The following PTPRR variants were observed in gnomAD, a reference collection of about 807,000 sequenced individuals.
The protein encoded by PTPRR is protein tyrosine phosphatase receptor type R.
In PTPRR, 38 loss-of-function variants were observed where a neutral mutation model predicts 77.2. That is an observed-to-expected ratio of 0.49 (90% CI 0.38 to 0.65). The LOEUF is 0.65. Ranked by LOEUF, PTPRR falls within the 30% of genes least tolerant of loss-of-function variation. The pLI, the probability that PTPRR is intolerant of heterozygous loss-of-function variation, is 0.00. For missense variants in PTPRR, 744 were observed against 799.2 expected (o/e 0.93, Z 0.83); for synonymous variants, 299 against 283.1 (o/e 1.06, Z -0.57).
chr12:70,913,058 GCCATAAAAT>G (rs2137138365), intron 1 of PTPRR, among the ~76,000 whole-genome samples: 1 of 152,174 alleles, frequency 6.6e-6, no homozygotes, highest in South Asian at 2.1e-4. Context: ...CAATAAACTT[GCCATAAAAT>G]ATAACATCCG....
At chr12:70,886,908 G>A (rs1893249470) in intron 2 of PTPRR, among the ~76,000 whole-genome samples, 1 of 151,948 alleles carries the variant, frequency 6.6e-6, no homozygotes, top group Non-Finnish European at 1.5e-5. Context: ...TTATAACTCG[G>A]GAAGAAAGAG....
chr12:70,846,355 G>A (rs1274786609), intron 2 of PTPRR, among the ~76,000 whole-genome samples: 2 of 152,116 alleles, frequency 1.3e-5, no homozygotes, highest in Non-Finnish European at 2.9e-5. Context: ...GAGGCAGACT[G>A]GCATCTCACC....
rs555494862 is a variant in PTPRR at position 70,731,438 on chromosome 12, T to C, written c.1007+14380A>G. Among the ~76,000 whole-genome samples the C allele has an allele frequency of 2.0e-5, 3 of 152,352 alleles. No individual in the cohort carries two copies. In the South Asian group the frequency reaches 6.2e-4, roughly 32 times the overall value. On this transcript the variant is annotated intron_variant, in intron 6 of 13. Transcript: ENST00000283228. The stretch of plus-strand genomic sequence containing the variant: ...TGTCTGAGACCTCTCTCTAGATTTC[T>C]AGACCATTCTTTCACTAATATGGAA...
Position 70,725,083 on chromosome 12 carries a change from C to T in PTPRR, c.1007+20735G>A, listed in dbSNP as rs116309650. On this transcript the variant is annotated intron_variant, in intron 6 of 13. Transcript: ENST00000283228. The stretch of plus-strand genomic sequence containing the variant: ...AAAGGGTGTTGAGTGCACCCTGCCC[C>T]GGTATGAGAAGGGCATCTTATATTA... Among the ~76,000 whole-genome samples, 972 of 152,012 alleles carry T rather than the reference C, an allele frequency of 6.4e-3. 13 individuals are homozygous for T. The highest frequency in any genetic ancestry group is 0.022 in the African/African-American group (904 of 41,460).
intron 13 of PTPRR, among the ~76,000 whole-genome samples, chr12:70,651,341 C>T (rs146493414): frequency 5.3e-4 from 81 of 152,298 alleles, no homozygotes; most frequent in African/African-American, 1.7e-3. Context: ...ATGCCATCTC[C>T]CATCTCCAGA....
chr12:70,872,697 A>AAAAAAAAAAAAC (rs1892981163), intron 2 of PTPRR, among the ~76,000 whole-genome samples: 1 of 91,938 alleles, frequency 1.1e-5, no homozygotes, highest in African/African-American at 2.9e-5. Flanking sequence ...TCTGTCTCAA[A>AAAAAAAAAAAAC]AAAAAAAAAA....
intron 8 of PTPRR, among the ~76,000 whole-genome samples, chr12:70,691,466 C>T (rs1351896297): frequency 6.6e-6 from 1 of 152,174 alleles, no homozygotes; most frequent in East Asian, 1.9e-4. Context: ...TTTATCCTCA[C>T]TTGATACTGC....
chr12:70,821,860 T>A (rs1008265927), intron 2 of PTPRR, among the ~76,000 whole-genome samples: 3 of 151,848 alleles, frequency 2.0e-5, no homozygotes, highest in African/African-American at 7.3e-5. Flanking sequence ...CAGATGGTGT[T>A]TCACTGTGTT....
intron 2 of PTPRR, among the ~76,000 whole-genome samples, chr12:70,827,827 T>G (rs948992589): frequency 1.5e-4 from 22 of 149,770 alleles, no homozygotes; most frequent in African/African-American, 5.2e-4. Context: ...TTCAAGCAAT[T>G]CTCCTGTCTC....
rs71437157 is a variant in PTPRR at position 70,795,913 on chromosome 12, ATTTTTTTTTTT to A, written c.358-31146_358-31136del. Among the ~76,000 whole-genome samples, 62 of 88,390 alleles carry A rather than the reference ATTTTTTTTTTT, an allele frequency of 7.0e-4. 1 individual carries two copies. In the East Asian group the frequency reaches 0.013, roughly 19 times the overall value. 58.0% of individuals were successfully genotyped at this position (88,390 alleles called of 152,430 possible). On this transcript the variant is annotated intron_variant, in intron 2 of 13. Coordinates refer to ENST00000283228, the MANE Select transcript of PTPRR (RefSeq NM_002849.4). The stretch of plus-strand genomic sequence containing the variant: ...TATATGTTCAAAATGTATTTAGTAG[ATTTTTTTTTTT>A]TTTTTTTTTTTTTTTTTGACACAGA...
Position 70,908,938 on chromosome 12 carries a change from T to C in PTPRR, c.58+11395A>G, listed in dbSNP as rs993380063. 2.6e-5 allele frequency among the ~76,000 whole-genome samples: 4 copies of C among 152,212 alleles called. 1 individual carries two copies. The highest frequency in any genetic ancestry group is 5.9e-5 in the Non-Finnish European group (4 of 68,032). On this transcript the variant is annotated intron_variant, in intron 1 of 13. Transcript: ENST00000283228. ...AAGTAGATCAGTGTGGCACATCCTT[T>C]CTGAGAAGAGATCTCTCCTGGAATA...
At chr12:70,799,581 A>G (rs1231249870) in intron 2 of PTPRR, among the ~76,000 whole-genome samples, 1 of 152,196 alleles carries the variant, frequency 6.6e-6, no homozygotes, top group Non-Finnish European at 1.5e-5. Flanking sequence ...CTATGGACAT[A>G]TATTTTCACA....
chr12:70,832,770 T>C (rs1205422317), intron 2 of PTPRR, among the ~76,000 whole-genome samples: 1 of 152,004 alleles, frequency 6.6e-6, no homozygotes, highest in African/African-American at 2.4e-5. Flanking sequence ...GAAAAGAGAT[T>C]TGGCTGATGT....
intron 8 of PTPRR, among the ~76,000 whole-genome samples, chr12:70,696,904 T>C (rs1888251471): frequency 6.6e-6 from 1 of 152,188 alleles, no homozygotes; most frequent in African/African-American, 2.4e-5. Context: ...CATGATGTTT[T>C]CAAGGTTCAT....
intron 2 of PTPRR, among the ~76,000 whole-genome samples, chr12:70,811,138 A>T (rs930286727): frequency 6.6e-6 from 1 of 152,198 alleles, no homozygotes; most frequent in Admixed American, 6.6e-5. Context: ...TAAATGTTAG[A>T]TGTTTGCATT....
At chr12:70,676,702 G>T (rs1025284961) in intron 10 of PTPRR, among the ~76,000 whole-genome samples, 1 of 151,986 alleles carries the variant, frequency 6.6e-6, no homozygotes, top group Non-Finnish European at 1.5e-5. Flanking sequence ...TTTGTTGTTT[G>T]TAGTGAGAAT....
chr12:70,654,721 T>A (rs1461741634), intron 13 of PTPRR, among the ~76,000 whole-genome samples: 1 of 152,230 alleles, frequency 6.6e-6, no homozygotes, highest in Non-Finnish European at 1.5e-5. Context: ...GCATATAAAT[T>A]CTAAGAGAGC....
At chr12:70,651,366 G>A (rs544544712) in intron 13 of PTPRR, among the ~76,000 whole-genome samples, 1 of 152,150 alleles carries the variant, frequency 6.6e-6, no homozygotes, top group African/African-American at 2.4e-5. Flanking sequence ...ATAAACTTTA[G>A]AAAAAGATAA....
At chr12:70,770,004 T>C (rs1048693041) in intron 2 of PTPRR, among the ~76,000 whole-genome samples, 4 of 151,996 alleles carry the variant, frequency 2.6e-5, no homozygotes, top group Non-Finnish European at 4.4e-5. Flanking sequence ...ATACAAAAAT[T>C]AATTCAAGAT....
Sources: gnomAD v4.1 joint callset for allele counts (sites outside exome capture counted in the v4.1 genomes callset) on GRCh38, gnomAD v4.1.1 for gene constraint, MANE v1.5 for transcripts, NCBI Gene and HGNC (gene_info 2026-07-23, HGNC 2026-07-21) for gene names.